AMZ2: variants seen among roughly 807,000 people sequenced by gnomAD.
AMZ2 encodes the protein archaelysin family metallopeptidase 2.
In AMZ2, 26 loss-of-function variants were observed where a neutral mutation model predicts 36.7. That is an observed-to-expected ratio of 0.71 (90% CI 0.52 to 0.98). The LOEUF is 0.98. Among genes scored for constraint, AMZ2 ranks in the 50% least tolerant of loss-of-function variants. The pLI, the probability that AMZ2 is intolerant of heterozygous loss-of-function variation, is 0.00. For synonymous variants in AMZ2, 144 were observed against 149.1 expected (o/e 0.97, Z 0.25); for missense variants, 394 against 430.5 (o/e 0.92, Z 0.75).
chr17:68,233,547 C>A (rs1157072910), intron 1 of AMZ2, among the ~76,000 whole-genome samples: 3 of 151,470 alleles, frequency 2.0e-5, no homozygotes, highest in African/African-American at 7.3e-5. Context: ...TTGTCTTCCC[C>A]TGCCTCCTGG....
chr17:68,253,390 C>T (rs1390421707), intron 4 of AMZ2, among the ~76,000 whole-genome samples: 2 of 152,098 alleles, frequency 1.3e-5, no homozygotes, highest in African/African-American at 2.4e-5. Context: ...GTAAACAAGT[C>T]GAATTATGAA....
chr17:68,248,026 T>C, upstream of AMZ2: 1 of 986,426 alleles, frequency 1.0e-6, no homozygotes, highest in Non-Finnish European at 1.2e-6. Flanking sequence ...GTGGCGCCAG[T>C]GGGCGTGGCG....
At chr17:68,217,130 T>C (rs782513852) in intron 1 of AMZ2, among the ~76,000 whole-genome samples, 13 of 152,136 alleles carry the variant, frequency 8.5e-5, no homozygotes, top group Non-Finnish European at 1.5e-4. Context: ...TTTCCTGATA[T>C]ATCAGTATCA....
At chr17:68,215,114 A>G (rs2073164091) in intron 1 of AMZ2, among the ~76,000 whole-genome samples, 1 of 152,222 alleles carries the variant, frequency 6.6e-6, no homozygotes, top group Admixed American at 6.5e-5. Flanking sequence ...GGTTTTAAGA[A>G]GGTTTCAGGA....
intron 1 of AMZ2, among the ~76,000 whole-genome samples, chr17:68,221,302 G>C (rs1287500574): frequency 1.4e-5 from 2 of 144,534 alleles, no homozygotes; most frequent in South Asian, 4.3e-4. Context: ...GGGTCTCACT[G>C]TGTTGCCCAG....
intron 1 of AMZ2, among the ~76,000 whole-genome samples, chr17:68,239,321 TGCTGAGG>T (rs1555733531): frequency 1.3e-5 from 2 of 152,286 alleles, no homozygotes; most frequent in East Asian, 3.9e-4. Context: ...GCTGCTTGCC[TGCTGAGG>T]GGGGTCTGTG....
chr17:68,237,997 A>T (rs1287330667), intron 1 of AMZ2, among the ~76,000 whole-genome samples: 2 of 152,046 alleles, frequency 1.3e-5, no homozygotes, highest in African/African-American at 4.8e-5. Flanking sequence ...CCTCTTTCAT[A>T]TTTGTCTTAT....
At chr17:68,234,659 A>T (rs1221418381) in intron 1 of AMZ2, among the ~76,000 whole-genome samples, 1 of 151,762 alleles carries the variant, frequency 6.6e-6, no homozygotes, top group Non-Finnish European at 1.5e-5. Flanking sequence ...AGTCTTAGCT[A>T]CTCAGAGGGC....
intron 2 of AMZ2, 162 bp downstream of exon 2, chr17:68,250,632 C>T (rs782167015): frequency 4.1e-6 from 5 of 1,210,782 alleles, no homozygotes; most frequent in Non-Finnish European, 5.7e-6. Context: ...TAAAAGATAA[C>T]ATTTTGTTTC....
intron 1 of AMZ2, among the ~76,000 whole-genome samples, chr17:68,236,609 T>C (rs1406508234): frequency 6.7e-6 from 1 of 150,326 alleles, no homozygotes; most frequent in Non-Finnish European, 1.5e-5. Flanking sequence ...TCTCACTTTG[T>C]TGCCCAGGCT....
chr17:68,207,356 G>T (rs2072871674), intron 1 of AMZ2: 1 of 139,996 alleles, frequency 7.1e-6, no homozygotes, highest in Admixed American at 7.7e-5. Flanking sequence ...TACGTAGTTG[G>T]AATTTACTAA....
intron 1 of AMZ2, among the ~76,000 whole-genome samples, chr17:68,220,336 A>G (rs1447060616): frequency 7.5e-6 from 1 of 134,164 alleles, no homozygotes; most frequent in Non-Finnish European, 1.6e-5. Context: ...CCCTTGCTTT[A>G]CAAGAGTTCA....
intron 1 of AMZ2, among the ~76,000 whole-genome samples, chr17:68,237,154 T>A (rs548621404): frequency 0.013 from 1,913 of 152,300 alleles, 16 homozygotes; most frequent in Middle Eastern, 0.034. Context: ...GAGCCATCCT[T>A]ATACATGGAT....
intron 1 of AMZ2, among the ~76,000 whole-genome samples, chr17:68,209,951 ATAT>A (rs1555725527): frequency 6.6e-6 from 1 of 152,094 alleles, no homozygotes; most frequent in African/African-American, 2.4e-5. Flanking sequence ...AAAAATTAAA[ATAT>A]TATAAAATTA....
chr17:68,241,224 C>T (rs1274737921), intron 1 of AMZ2, among the ~76,000 whole-genome samples: 1 of 152,100 alleles, frequency 6.6e-6, no homozygotes, highest in African/African-American at 2.4e-5. Flanking sequence ...AAATGAGGCA[C>T]ATGCATATTA....
chr17:68,217,927 C>CTGAG (rs1555727701), intron 1 of AMZ2, among the ~76,000 whole-genome samples: 1 of 151,790 alleles, frequency 6.6e-6, no homozygotes, highest in Non-Finnish European at 1.5e-5. Context: ...ATTCTCCTGC[C>CTGAG]TCAGCCTCCT....
upstream of AMZ2, among the ~76,000 whole-genome samples, chr17:68,243,191 G>A (rs1380817137): frequency 6.6e-6 from 1 of 151,412 alleles, no homozygotes; most frequent in East Asian, 1.9e-4. Flanking sequence ...CTGGAGTGTA[G>A]TGGTGGGACC....
intron 1 of AMZ2, among the ~76,000 whole-genome samples, chr17:68,223,884 T>TTTTATATATA (rs71142151): frequency 2.3e-5 from 2 of 86,668 alleles, no homozygotes; most frequent in Admixed American, 1.0e-4. Flanking sequence ...CCCAGCTAAT[T>TTTTATATATA]TATATATATA....
chr17:68,213,605 T>G (rs868984706), intron 1 of AMZ2, among the ~76,000 whole-genome samples: 20 of 152,246 alleles, frequency 1.3e-4, no homozygotes, highest in African/African-American at 4.6e-4. Context: ...AGTTTTACAG[T>G]GATACGCCCT....
Sources: allele counts gnomAD v4.1 joint callset (sites outside exome capture counted in the v4.1 genomes callset), GRCh38; gene constraint gnomAD v4.1.1; transcripts MANE v1.5; gene names NCBI Gene and HGNC (gene_info 2026-07-23, HGNC 2026-07-21).